The following COL22A1 variants were observed in gnomAD, a reference collection of about 807,000 sequenced individuals.
The protein encoded by COL22A1 is collagen alpha-1(XXII) chain.
A neutral mutation model predicts 248.9 loss-of-function variants in COL22A1; 221 were observed. That is an observed-to-expected ratio of 0.89 (90% CI 0.80 to 0.99). The LOEUF is 0.99. Among genes scored for constraint, COL22A1 ranks in the 50% least tolerant of loss-of-function variants. COL22A1 has a pLI of 0.00. For missense variants in COL22A1, 2,240 were observed against 2,179.0 expected (o/e 1.03, Z -0.56); for synonymous variants, 891 against 793.4 (o/e 1.12, Z -2.07).
intron 7 of COL22A1, among the ~76,000 whole-genome samples, chr8:138,816,965 C>T (rs922881242): frequency 1.5e-4 from 23 of 152,228 alleles, no homozygotes; most frequent in Non-Finnish European, 2.9e-5. Context: ...GAGAACTCCC[C>T]ATGTGCCAGG....
chr8:138,658,197 A>C (rs1215773343), intron 44 of COL22A1, among the ~76,000 whole-genome samples: 2 of 152,150 alleles, frequency 1.3e-5, no homozygotes, highest in African/African-American at 4.8e-5. Context: ...GGAACTGTGT[A>C]ATTAATAATT....
At chr8:138,912,658 G>A (rs1478688142) in intron 1 of COL22A1, among the ~76,000 whole-genome samples, 1 of 152,096 alleles carries the variant, frequency 6.6e-6, no homozygotes, top group Admixed American at 6.5e-5. Context: ...GAGGAGAATC[G>A]CTTGAACCCG....
chr8:138,765,269 G>A (rs1422976376), intron 16 of COL22A1, among the ~76,000 whole-genome samples: 5 of 152,168 alleles, frequency 3.3e-5, no homozygotes, highest in African/African-American at 1.2e-4. Flanking sequence ...AGAGTCCCTG[G>A]AGGGACTGCG....
intron 3 of COL22A1, among the ~76,000 whole-genome samples, chr8:138,849,342 T>G (rs1330523828): frequency 6.6e-6 from 1 of 152,208 alleles, no homozygotes; most frequent in East Asian, 1.9e-4. Flanking sequence ...TCCAAGCATG[T>G]TGAATACATT....
chr8:138,746,870 G>A (rs1055736707), intron 22 of COL22A1, among the ~76,000 whole-genome samples: 1 of 152,168 alleles, frequency 6.6e-6, no homozygotes, highest in African/African-American at 2.4e-5. Context: ...GTGGATCACC[G>A]TGGGAGCCTT....
At chr8:138,858,820 G>C (rs546126479) in intron 3 of COL22A1, among the ~76,000 whole-genome samples, 2 of 152,300 alleles carry the variant, frequency 1.3e-5, no homozygotes, top group South Asian at 4.1e-4. Context: ...AAAATCAAAG[G>C]AGTGGCACAT....
chr8:138,704,985 C>G (rs746692708), intron 30 of COL22A1, among the ~76,000 whole-genome samples: 41 of 151,990 alleles, frequency 2.7e-4, no homozygotes, highest in Non-Finnish European at 4.6e-4. Flanking sequence ...GTGATGCATG[C>G]CCAAGCTTCA....
At chr8:138,893,852 AG>A (rs1332061348) in intron 1 of COL22A1, among the ~76,000 whole-genome samples, 4 of 152,370 alleles carry the variant, frequency 2.6e-5, no homozygotes, top group Non-Finnish European at 5.9e-5. Context: ...CCATATGGTC[AG>A]TGGACATGGT....
intron 12 of COL22A1, among the ~76,000 whole-genome samples, chr8:138,786,290 T>C (rs1298389757): frequency 6.6e-6 from 1 of 152,200 alleles, no homozygotes; most frequent in Non-Finnish European, 1.5e-5. Flanking sequence ...GAAGTGAATA[T>C]GTTCTGAGTC....
intron 6 of COL22A1, among the ~76,000 whole-genome samples, chr8:138,821,839 A>G (rs1329033035): frequency 6.6e-6 from 1 of 152,110 alleles, no homozygotes; most frequent in East Asian, 1.9e-4. Flanking sequence ...GGGCTGGTTA[A>G]ACCAAAAATA....
rs962268682 is a variant in COL22A1, at chr8:138,832,919, C to A, written c.845+120G>T. ...GCTGCTTCATCGCAGGGCAACCTTA[C>A]AAGGCACTGAGAAGGTTAAAGCCCG... On this transcript the variant is annotated intron_variant, in intron 5 of 64. Transcript: ENST00000303045. The A allele has an allele frequency of 1.1e-5, 7 of 650,660 alleles. No homozygotes were observed. In the African/African-American group the frequency reaches 1.1e-4, roughly 10 times the overall value. The allele number at this position is 650,660 out of a possible 1,614,324, so 40.3% of individuals were successfully genotyped here.
In COL22A1 at chr8:138,616,070, CCTG is replaced by C; in HGVS notation, c.3871-19_3871-17del. On this transcript the variant is annotated splice_polypyrimidine_tract_variant and intron_variant, in intron 54 of 64. Transcript: ENST00000303045. ...CAGACTCTCCCTAGGAACAAAAAAGCCTGCTATTAGGGAAGGAGATGCTTCAGC... is the reference window on the plus strand; with the variant it reads ...CAGACTCTCCCTAGGAACAAAAAAGCCTATTAGGGAAGGAGATGCTTCAGC... 6.2e-7 allele frequency: 1 copy of C among 1,608,322 alleles called. No homozygotes were observed. Among genetic ancestry groups the C allele is most frequent in the Non-Finnish European group, 8.5e-7 (1 of 1,175,492 alleles).
intron 30 of COL22A1, among the ~76,000 whole-genome samples, chr8:138,708,926 TAAAC>T (rs1828710704): frequency 8.6e-6 from 1 of 115,700 alleles, no homozygotes; most frequent in African/African-American, 3.1e-5. Flanking sequence ...ACAAAGAACT[TAAAC>T]AAATTTACAA....
chr8:138,713,287 C>A (rs1442736889), intron 30 of COL22A1, among the ~76,000 whole-genome samples: 2 of 152,074 alleles, frequency 1.3e-5, no homozygotes, highest in African/African-American at 4.8e-5. Context: ...GTGGTCCCAG[C>A]CAAGCTTTGG....
intron 41 of COL22A1, among the ~76,000 whole-genome samples, chr8:138,665,174 AG>A (rs1416932660): frequency 1.3e-5 from 2 of 152,202 alleles, no homozygotes; most frequent in Non-Finnish European, 2.9e-5. Flanking sequence ...AAATCTCCAG[AG>A]GTCTAGAGAA....
At chr8:138,699,026 A>C (rs894924337) in intron 32 of COL22A1, among the ~76,000 whole-genome samples, 1 of 152,204 alleles carries the variant, frequency 6.6e-6, no homozygotes, top group Non-Finnish European at 1.5e-5. Flanking sequence ...CCAGGACAGG[A>C]GGGCAGTGAA....
At chr8:138,889,764 C>T (rs1017018110) in intron 1 of COL22A1, among the ~76,000 whole-genome samples, 6 of 152,142 alleles carry the variant, frequency 3.9e-5, no homozygotes, top group African/African-American at 1.4e-4. Context: ...AAGATGGTGG[C>T]CAGTGAGGGC....
intron 35 of COL22A1, among the ~76,000 whole-genome samples, chr8:138,691,672 TATATGTGTACA>T (rs1826905031): frequency 1.4e-5 from 2 of 139,144 alleles, no homozygotes; most frequent in South Asian, 2.4e-4. Flanking sequence ...TGGGGGTGTG[TATATGTGTACA>T]GTGCATGTGT....
At chr8:138,786,975 G>A (rs1230779408) in intron 12 of COL22A1, among the ~76,000 whole-genome samples, 1 of 152,206 alleles carries the variant, frequency 6.6e-6, no homozygotes, top group Admixed American at 6.5e-5. Flanking sequence ...TCTTCCACCA[G>A]GAAAGTCATT....
Sources: allele counts gnomAD v4.1 joint callset (sites outside exome capture counted in the v4.1 genomes callset), GRCh38; gene constraint gnomAD v4.1.1; transcripts MANE v1.5; gene names NCBI Gene and HGNC (gene_info 2026-07-23, HGNC 2026-07-21).